The following DPP10 variants were observed in gnomAD, a reference collection of about 807,000 sequenced individuals.
DPP10 encodes the protein inactive dipeptidyl peptidase 10.
DPP10 carries 33 observed loss-of-function variants against 120.9 expected under a neutral mutation model. The observed-to-expected ratio is 0.27, with a 90% CI of 0.21 to 0.37. The LOEUF is 0.37. Among genes scored for constraint, DPP10 ranks in the 10% least tolerant of loss-of-function variants. The pLI, the probability that DPP10 is intolerant of heterozygous loss-of-function variation, is 1.00. For missense variants in DPP10, 816 were observed against 942.8 expected (o/e 0.87, Z 1.76); for synonymous variants, 337 against 326.1 (o/e 1.03, Z -0.36).
At chr2:115,787,900 A>G (rs998994672) in intron 17 of DPP10, among the ~76,000 whole-genome samples, 4 of 152,182 alleles carry the variant, frequency 2.6e-5, no homozygotes, top group Non-Finnish European at 5.9e-5. Context: ...AGAAAAAAGC[A>G]AACTGGAAGA....
chr2:115,441,480 C>A (rs1469819371), intron 3 of DPP10, among the ~76,000 whole-genome samples: 1 of 152,148 alleles, frequency 6.6e-6, no homozygotes, highest in African/African-American at 2.4e-5. Context: ...ATGAACTATT[C>A]TCTCTTCTGG....
At chr2:115,594,007 A>G (rs927172389) in intron 5 of DPP10, among the ~76,000 whole-genome samples, 2 of 152,156 alleles carry the variant, frequency 1.3e-5, no homozygotes, top group African/African-American at 4.8e-5. Flanking sequence ...GAAGTCCTCA[A>G]AAAACTTGAG....
intron 3 of DPP10, among the ~76,000 whole-genome samples, chr2:115,446,076 C>T (rs1224688147): frequency 6.6e-6 from 1 of 152,206 alleles, no homozygotes; most frequent in Non-Finnish European, 1.5e-5. Context: ...GCTCCAGCTC[C>T]AGCCATGGAT....
intron 19 of DPP10, among the ~76,000 whole-genome samples, chr2:115,800,331 A>G (rs1202542021): frequency 6.6e-6 from 1 of 151,954 alleles, no homozygotes; most frequent in Non-Finnish European, 1.5e-5. Flanking sequence ...GATTCTGGAT[A>G]TTAGCCCTTT....
chr2:114,587,216 G>T (rs539653004), intron 1 of DPP10, among the ~76,000 whole-genome samples: 1 of 150,412 alleles, frequency 6.6e-6, no homozygotes, highest in Non-Finnish European at 1.5e-5. Context: ...CAGGAAAATC[G>T]CTTGAACCCA....
At chr2:115,816,934 A>G (rs1314430227) in intron 21 of DPP10, among the ~76,000 whole-genome samples, 1 of 147,670 alleles carries the variant, frequency 6.8e-6, no homozygotes, top group East Asian at 2.1e-4. Flanking sequence ...TGTTTTTAAC[A>G]CATCAGTGGA....
At chr2:115,586,891 CAAATT>C (rs955395728) in intron 5 of DPP10, among the ~76,000 whole-genome samples, 7 of 151,836 alleles carry the variant, frequency 4.6e-5, no homozygotes, top group East Asian at 1.9e-4. Flanking sequence ...TTTTGACTGA[CAAATT>C]AAAACTGCAT....
intron 3 of DPP10, among the ~76,000 whole-genome samples, chr2:115,369,399 A>G (rs991914843): frequency 1.3e-5 from 2 of 152,114 alleles, no homozygotes; most frequent in Non-Finnish European, 2.9e-5. Context: ...ATGAGTCTGT[A>G]AAAACTTTTA....
At chr2:115,364,173 C>A (rs1339604840) in intron 3 of DPP10, among the ~76,000 whole-genome samples, 1 of 151,740 alleles carries the variant, frequency 6.6e-6, no homozygotes, top group African/African-American at 2.4e-5. Flanking sequence ...TTTTGGCCAA[C>A]TTTTTTCACC....
chr2:114,643,933 A>G (rs866699970), intron 1 of DPP10, among the ~76,000 whole-genome samples: 1 of 133,836 alleles, frequency 7.5e-6, no homozygotes, highest in South Asian at 2.3e-4. Context: ...ATATATATAT[A>G]TATTTTTTTT....
At chr2:115,118,788 TG>T (rs1439860825) in intron 1 of DPP10, among the ~76,000 whole-genome samples, 105 of 131,608 alleles carry the variant, frequency 8.0e-4, no homozygotes, top group Middle Eastern at 4.2e-3. Context: ...TGTGTGTGTG[TG>T]TGTTTAGTAG....
chr2:115,496,253 CTTTATTA>C (rs2076390649), intron 3 of DPP10, among the ~76,000 whole-genome samples: 1 of 151,878 alleles, frequency 6.6e-6, no homozygotes, highest in Non-Finnish European at 1.5e-5. Flanking sequence ...ATGCAAAAAT[CTTTATTA>C]TTTATTAAGC....
chr2:115,286,652 A>G (rs1326948569), intron 1 of DPP10, among the ~76,000 whole-genome samples: 3 of 148,178 alleles, frequency 2.0e-5, no homozygotes, highest in African/African-American at 7.4e-5. Flanking sequence ...GGAAGGAGGT[A>G]AGGGTGTGGA....
chr2:114,626,184 C>T (rs1357148875), intron 1 of DPP10, among the ~76,000 whole-genome samples: 1 of 151,518 alleles, frequency 6.6e-6, no homozygotes, highest in Non-Finnish European at 1.5e-5. Context: ...ACATATAAAA[C>T]ACTCACTACA....
chr2:115,314,185 C>T (rs947337069), intron 2 of DPP10, among the ~76,000 whole-genome samples: 3 of 152,128 alleles, frequency 2.0e-5, no homozygotes, highest in African/African-American at 7.2e-5. Flanking sequence ...GCAGTTGATA[C>T]AGGATAGTCA....
chr2:115,474,141 T>C (rs989814473), intron 3 of DPP10, among the ~76,000 whole-genome samples: 1 of 151,842 alleles, frequency 6.6e-6, no homozygotes, highest in African/African-American at 2.4e-5. Context: ...ATGGCAATTA[T>C]GAACACACAC....
intron 1 of DPP10, among the ~76,000 whole-genome samples, chr2:114,965,775 G>A (rs928766881): frequency 2.0e-5 from 3 of 151,544 alleles, no homozygotes; most frequent in Non-Finnish European, 4.4e-5. Context: ...TCAGGAGATC[G>A]AGACCACGGT....
intron 1 of DPP10, among the ~76,000 whole-genome samples, chr2:114,729,037 G>T (rs1676630433): frequency 6.6e-6 from 1 of 152,170 alleles, no homozygotes; most frequent in Admixed American, 6.5e-5. Flanking sequence ...CGGAGACAGG[G>T]TTTATAAAAT....
chr2:115,179,875 C>T (rs1018498764), intron 1 of DPP10, among the ~76,000 whole-genome samples: 7 of 152,002 alleles, frequency 4.6e-5, no homozygotes, highest in Non-Finnish European at 8.8e-5. Context: ...GACTCGAAAC[C>T]GTTTCACAGA....
Sources: allele counts gnomAD v4.1 joint callset (sites outside exome capture counted in the v4.1 genomes callset), GRCh38; gene constraint gnomAD v4.1.1; transcripts MANE v1.5; gene names NCBI Gene and HGNC (gene_info 2026-07-23, HGNC 2026-07-21).